Variants in TMLHE observed in about 807,000 individuals in gnomAD.
The protein encoded by TMLHE is trimethyllysine hydroxylase, epsilon, also known as trimethyllysine dioxygenase, mitochondrial.
Under a neutral mutation model 25.7 loss-of-function variants are expected in TMLHE, and 18 were observed. The ratio of observed to expected loss-of-function variants is 0.70; its 90% confidence interval spans 0.48 to 1.04. TMLHE has a LOEUF of 1.04. Among genes scored for constraint, TMLHE ranks in the 50% least tolerant of loss-of-function variants. The probability of loss-of-function intolerance (pLI) is 0.00; values close to 1 mark genes in which losing one functional copy is unlikely to be tolerated. For missense variants in TMLHE, 236 were observed against 259.0 expected (o/e 0.91, Z 0.61); for synonymous variants, 105 against 97.0 (o/e 1.08, Z -0.49).
At chrX:155,547,270 G>A (rs891013009) in intron 1 of TMLHE, among the ~76,000 whole-genome samples, 3 of 87,820 alleles carry the variant, frequency 3.4e-5, no homozygotes, top group Non-Finnish European at 7.0e-5. Flanking sequence ...TCAGCCTCCC[G>A]AGTAGCTGGG....
chrX:155,576,913 A>G (rs2067593985), intron 1 of TMLHE, among the ~76,000 whole-genome samples: 1 of 112,377 alleles, frequency 8.9e-6, no homozygotes, highest in South Asian at 3.7e-4. Flanking sequence ...CCCCTGGAAG[A>G]TAACCTAAGA....
intron 5 of TMLHE, among the ~76,000 whole-genome samples, chrX:155,510,524 T>A (rs782233043): frequency 9.3e-6 from 1 of 107,427 alleles, no homozygotes; most frequent in East Asian, 3.1e-4. Context: ...CTTGTGATAG[T>A]TTGCTGAGAA....
chrX:155,532,668 CGTGTGTGTGTGTGTGTGTGTGT>C (rs33944459), intron 2 of TMLHE, among the ~76,000 whole-genome samples: 2 of 86,092 alleles, frequency 2.3e-5, no homozygotes, highest in Admixed American at 1.3e-4. Flanking sequence ...ATGCAAAATT[CGTGTGTGTGTGTGTGTGTGTGT>C]GTGTGTGTGT....
At chrX:155,548,626 TCA>T (rs2067383999) in intron 1 of TMLHE, among the ~76,000 whole-genome samples, 2 of 107,909 alleles carry the variant, frequency 1.9e-5, no homozygotes, top group South Asian at 8.3e-4. Flanking sequence ...TCCCAGCTAC[TCA>T]GGAGGCTGAG....
chrX:155,573,838 TG>T (rs1326891133), intron 1 of TMLHE, among the ~76,000 whole-genome samples: 2 of 30,576 alleles, frequency 6.5e-5, no homozygotes, highest in South Asian at 4.7e-3. Flanking sequence ...TGTTGTGGGG[TG>T]GGGGGAGGGG....
intron 1 of TMLHE, among the ~76,000 whole-genome samples, chrX:155,551,426 T>C (rs2067414943): frequency 1.0e-5 from 1 of 95,583 alleles, no homozygotes; most frequent in East Asian, 3.5e-4. Flanking sequence ...ATCGTAATTC[T>C]AGTTCTAGAT....
chrX:155,587,445 G>C (rs1276573202), intron 1 of TMLHE, among the ~76,000 whole-genome samples: 16 of 111,503 alleles, frequency 1.4e-4, no homozygotes, highest in African/African-American at 4.5e-4. Flanking sequence ...TTACCTCTAA[G>C]AAATGGAAAA....
At chrX:155,520,368 G>T (rs1322721885) in intron 3 of TMLHE, among the ~76,000 whole-genome samples, 1 of 19,260 alleles carries the variant, frequency 5.2e-5, no homozygotes, top group Non-Finnish European at 9.3e-5. Context: ...CTTCTGGCTT[G>T]TAGGGTTTCT....
chrX:155,511,170 T>A (rs1465995527), intron 5 of TMLHE, among the ~76,000 whole-genome samples: 1 of 111,516 alleles, frequency 9.0e-6, no homozygotes, highest in African/African-American at 3.3e-5. Context: ...GTGGAAGTGT[T>A]TAGCTCATGG....
chrX:155,600,939 C>T (rs1487763916), intron 1 of TMLHE, among the ~76,000 whole-genome samples: 1 of 111,700 alleles, frequency 9.0e-6, no homozygotes, highest in Non-Finnish European at 1.9e-5. Context: ...TAAAATATGG[C>T]CCAGCAGTGA....
chrX:155,515,401 AT>A (rs1439907960), intron 3 of TMLHE, among the ~76,000 whole-genome samples: 8 of 110,338 alleles, frequency 7.3e-5, no homozygotes, highest in African/African-American at 2.6e-4. Flanking sequence ...ATGTACATTT[AT>A]TTTTAAAAAA....
At chrX:155,533,810 T>TTAGC (rs1444260297) in intron 2 of TMLHE, among the ~76,000 whole-genome samples, 1 of 111,497 alleles carries the variant, frequency 9.0e-6, no homozygotes, top group Non-Finnish European at 1.9e-5. Context: ...GGCAAAAAAC[T>TTAGC]TAGCTGCAAA....
intron 3 of TMLHE, among the ~76,000 whole-genome samples, chrX:155,515,526 T>C (rs1235063160): frequency 9.0e-6 from 1 of 111,565 alleles, no homozygotes; most frequent in East Asian, 2.8e-4. Context: ...TTCAAAGATA[T>C]AAACTTTTAA....
intron 1 of TMLHE, among the ~76,000 whole-genome samples, chrX:155,604,250 G>A (rs2067773825): frequency 9.0e-6 from 1 of 111,307 alleles, no homozygotes; most frequent in Non-Finnish European, 1.9e-5. Context: ...CACTGCAGTG[G>A]TACTGCCTTT....
intron 1 of TMLHE, among the ~76,000 whole-genome samples, chrX:155,574,626 C>T: frequency 9.0e-6 from 1 of 111,550 alleles, no homozygotes; most frequent in African/African-American, 3.3e-5. Flanking sequence ...TTTCTAGGGG[C>T]TCAGATGTTG....
Position 155,581,020 on chromosome X carries a change from T to C in TMLHE, c.-2+31772A>G, listed in dbSNP as rs181815352. Among the ~76,000 whole-genome samples, 181 of 112,077 alleles carry C rather than the reference T, an allele frequency of 1.6e-3. 2 individuals carry two copies. The highest frequency in any genetic ancestry group is 9.2e-4 in the Non-Finnish European group (49 of 53,201). On this transcript the variant is annotated intron_variant, in intron 1 of 7. Transcript: ENST00000334398. The stretch of plus-strand genomic sequence containing the variant: ...CCTGGGATGCAAGGCTGGTTCGACA[T>C]ATGCAAATTAATACATGTAATCCAT...
rs1358625674 is a variant in TMLHE, at chrX:155,525,476, T to A, written c.182-844A>T. Among the ~76,000 whole-genome samples, 7 of 112,215 alleles carry A rather than the reference T, an allele frequency of 6.2e-5. No homozygotes were observed. The East Asian group carries it at 2.0e-3, about 31-fold the overall frequency. Reference sequence around the variant, plus strand: ...AGTTTCAGGTTGTTCTTTATAGCCATGTGAGAACAAACAAACACAGAAAAT... The same window carrying A: ...AGTTTCAGGTTGTTCTTTATAGCCAAGTGAGAACAAACAAACACAGAAAAT... On this transcript the variant is annotated intron_variant, in intron 2 of 7. Transcript: ENST00000334398.
At chrX:155,555,400 G>C (rs1402215420) in intron 1 of TMLHE, among the ~76,000 whole-genome samples, 1 of 110,335 alleles carries the variant, frequency 9.1e-6, no homozygotes, top group East Asian at 2.8e-4. Context: ...CCTAGTAATG[G>C]AATCACTGGG....
At chrX:155,527,475 T>C (rs1234757140) in intron 2 of TMLHE, among the ~76,000 whole-genome samples, 1 of 111,936 alleles carries the variant, frequency 8.9e-6, no homozygotes, top group Non-Finnish European at 1.9e-5. Context: ...AACCATTCTC[T>C]GGGAGTTCTT....
Sources: allele counts gnomAD v4.1 joint callset (sites outside exome capture counted in the v4.1 genomes callset), GRCh38; gene constraint gnomAD v4.1.1; transcripts MANE v1.5; gene names NCBI Gene and HGNC (gene_info 2026-07-23, HGNC 2026-07-21).